The following CFAP77 variants were observed in gnomAD, a reference collection of about 807,000 sequenced individuals.
CFAP77 encodes cilia- and flagella-associated protein 77.
A neutral mutation model predicts 31.1 loss-of-function variants in CFAP77; 25 were observed. The observed-to-expected ratio is 0.80, with a 90% CI of 0.59 to 1.12. The LOEUF is 1.12. Among genes scored for constraint, CFAP77 ranks in the 50% most tolerant of loss-of-function variants. The pLI is 0.00. For synonymous variants in CFAP77, 151 were observed against 159.9 expected, an observed-to-expected ratio of 0.94 and a Z score of 0.42; for missense variants, 377 against 397.3, an observed-to-expected ratio of 0.95 and a Z score of 0.44.
intron 1 of CFAP77, among the ~76,000 whole-genome samples, chr9:132,478,097 T>C (rs1851380951): frequency 6.6e-6 from 1 of 152,140 alleles, no homozygotes; most frequent in Admixed American, 6.5e-5. Context: ...CCAAATCTCA[T>C]GTGGAATTGT....
At chr9:132,534,601 ACT>A (rs1453049348) in intron 3 of CFAP77, among the ~76,000 whole-genome samples, 14 of 130,660 alleles carry the variant, frequency 1.1e-4, no homozygotes, top group South Asian at 2.5e-4. Flanking sequence ...ACAGAGCGAG[ACT>A]CTGTCTCAAA....
chr9:132,442,749 C>T (rs1168403161), intron 1 of CFAP77, among the ~76,000 whole-genome samples: 2 of 151,414 alleles, frequency 1.3e-5, no homozygotes, highest in Non-Finnish European at 2.9e-5. Context: ...GCTATATTGC[C>T]CAGTCTGGTC....
At chr9:132,446,028 T>G (rs1412244318) in intron 1 of CFAP77, among the ~76,000 whole-genome samples, 1 of 152,092 alleles carries the variant, frequency 6.6e-6, no homozygotes, top group Non-Finnish European at 1.5e-5. Context: ...CAGCCTGTAG[T>G]GACAGGCGTT....
intron 3 of CFAP77, among the ~76,000 whole-genome samples, chr9:132,535,712 A>C (rs1454609004): frequency 1.3e-5 from 1 of 77,650 alleles, no homozygotes; most frequent in Non-Finnish European, 2.1e-5. Flanking sequence ...ACTCCACCTC[A>C]ATAAATAAAT....
rs1852718959 is a variant in CFAP77, at chr9:132,545,700, C to T, written c.732+2653C>T. Among the ~76,000 whole-genome samples, 1 of 152,206 alleles carries T rather than the reference C, an allele frequency of 6.6e-6. No individual in the cohort carries two copies. Among genetic ancestry groups the T allele is most frequent in the African/African-American group, 2.4e-5 (1 of 41,458 alleles). On this transcript the variant is annotated intron_variant, in intron 5 of 5. Coordinates refer to ENST00000393216, the MANE Select transcript of CFAP77 (RefSeq NM_001282957.2). The surrounding 1 kb of genome is among the most constrained non-coding windows in gnomAD (Gnocchi z 4.6). ...CAGTCGCCTCCTTGTCAGGAAGTAA[C>T]ACCAACAAAAAGTATTTACCGAGCC...
rs1170826860 is a variant in CFAP77, at chr9:132,511,610, C to G, written c.524+12010C>G. On this transcript the variant is annotated intron_variant, in intron 3 of 5. Coordinates refer to ENST00000393216, the MANE Select transcript of CFAP77 (RefSeq NM_001282957.2). The surrounding 1 kb of genome is among the most constrained non-coding windows in gnomAD (Gnocchi z 5.8). ...CTGGATTTTGGGAACAGGCACTATTCTAGTGCCAAGAGCACATGAGACGGC... is the reference window on the plus strand; with the variant it reads ...CTGGATTTTGGGAACAGGCACTATTGTAGTGCCAAGAGCACATGAGACGGC... Among the ~76,000 whole-genome samples the G allele has an allele frequency of 6.6e-6, 1 of 152,224 alleles. No homozygotes were observed. Among genetic ancestry groups the G allele is most frequent in the Non-Finnish European group, 1.5e-5 (1 of 68,048 alleles).
intron 5 of CFAP77, among the ~76,000 whole-genome samples, chr9:132,556,018 G>A (rs1852899842): frequency 6.6e-6 from 1 of 152,032 alleles, no homozygotes; most frequent in African/African-American, 2.4e-5. Context: ...CGTGTGCTTG[G>A]AGGCACCTGC....
chr9:132,483,347 C>A (rs1249524131), intron 1 of CFAP77, among the ~76,000 whole-genome samples: 5 of 140,552 alleles, frequency 3.6e-5, no homozygotes, highest in Admixed American at 1.3e-4. Context: ...GACTTGGAGA[C>A]CCCCATACAT....
chr9:132,482,532 A>G (rs1167037466), intron 1 of CFAP77: 5 of 738,410 alleles, frequency 6.8e-6, no homozygotes, highest in Non-Finnish European at 1.2e-5. Context: ...CTTCACCTCC[A>G]TGGTCTCGTC....
intron 5 of CFAP77, among the ~76,000 whole-genome samples, chr9:132,544,959 C>T (rs1037292571): frequency 2.6e-5 from 4 of 152,172 alleles, no homozygotes; most frequent in African/African-American, 9.7e-5. Flanking sequence ...TGATTTAGAG[C>T]CCAAGACCAT....
At chr9:132,460,566 TC>T (rs1043467709) in intron 1 of CFAP77, among the ~76,000 whole-genome samples, 1 of 151,970 alleles carries the variant, frequency 6.6e-6, no homozygotes, top group African/African-American at 2.4e-5. Flanking sequence ...AATAGGCAAA[TC>T]CATAGAAAAT....
At chr9:132,459,748 GTGTGTA>G (rs945524166) in intron 1 of CFAP77, among the ~76,000 whole-genome samples, 23 of 142,530 alleles carry the variant, frequency 1.6e-4, no homozygotes, top group African/African-American at 7.0e-4. Flanking sequence ...GTGTGAGTGT[GTGTGTA>G]TGTGTGTGTA....
In CFAP77 at chr9:132,539,076, G is replaced by A. The variant is rs544884106; in HGVS notation, c.630+1370G>A. Among the ~76,000 whole-genome samples, 1 of 152,290 alleles carries A rather than the reference G, an allele frequency of 6.6e-6. No homozygotes were observed. The highest frequency in any genetic ancestry group is 2.1e-4 in the South Asian group (1 of 4,826). ...CACTCCAGCCTGGGCAACAGAGCAA[G>A]ACTCCGTCTCGATAAAAAAATAAAT... On this transcript the variant is annotated intron_variant, in intron 4 of 5. Transcript: ENST00000393216. The surrounding 1 kb of genome is among the most constrained non-coding windows in gnomAD (Gnocchi z 4.3).
intron 3 of CFAP77, chr9:132,513,225 C>T (rs1852072091): frequency 9.8e-6 from 15 of 1,532,854 alleles, no homozygotes; most frequent in Admixed American, 4.2e-5. Context: ...GGGAGCAAAA[C>T]ATTTTAACCA....
At chr9:132,459,725 T>C (rs528895760) in intron 1 of CFAP77, among the ~76,000 whole-genome samples, 6 of 149,838 alleles carry the variant, frequency 4.0e-5, no homozygotes, top group African/African-American at 1.5e-4. Flanking sequence ...TACCTGTATG[T>C]ATGTGTATAT....
chr9:132,499,605 G>T lies in CFAP77; in HGVS notation c.524+5G>T. The T allele has an allele frequency of 1.2e-6, 2 of 1,613,916 alleles. No individual in the cohort carries two copies. The highest frequency in any genetic ancestry group is 1.3e-5 in the African/African-American group (1 of 75,038). On this transcript the variant is annotated splice_donor_5th_base_variant and intron_variant, in intron 3 of 5. Transcript: ENST00000393216. This position sits in a 1 kb window ranked among gnomAD's most constrained non-coding sequence, Gnocchi z 5.4. ...GACATTTGGGATCCGGGCACGGTAA[G>T]GTGGCTGGCAGCCAGGGCTTCATCC...
At chr9:132,425,583 T>TC (rs1448938057) in intron 1 of CFAP77, among the ~76,000 whole-genome samples, 7 of 151,906 alleles carry the variant, frequency 4.6e-5, no homozygotes, top group African/African-American at 7.3e-5. Context: ...TTGTGTTTTT[T>TC]CCCCCCCGAA....
At chr9:132,512,431 A>G (rs1281323053) in intron 3 of CFAP77, among the ~76,000 whole-genome samples, 3 of 152,228 alleles carry the variant, frequency 2.0e-5, no homozygotes, top group African/African-American at 7.2e-5. Context: ...GGATATGGAC[A>G]CATCTTTTGG....
Position 132,498,278 on chromosome 9 carries a change from G to A in CFAP77, c.196-417G>A, listed in dbSNP as rs1262107587. ...CTGGTATGAGGAAGGTGGGAATGAAGGTAGGAAAGATGTCTCCTTCCTTCG... is the reference window on the plus strand; with the variant it reads ...CTGGTATGAGGAAGGTGGGAATGAAAGTAGGAAAGATGTCTCCTTCCTTCG... On this transcript the variant is annotated intron_variant, in intron 1 of 5. Transcript: ENST00000393216. The surrounding 1 kb of genome is among the most constrained non-coding windows in gnomAD (Gnocchi z 4.2). Among the ~76,000 whole-genome samples the A allele has an allele frequency of 6.6e-6, 1 of 152,072 alleles. No individual in the cohort carries two copies. The highest frequency in any genetic ancestry group is 2.4e-5 in the African/African-American group (1 of 41,368).
Sources: allele counts gnomAD v4.1 joint callset (sites outside exome capture counted in the v4.1 genomes callset), GRCh38; gene constraint gnomAD v4.1.1; non-coding constraint Gnocchi (gnomAD v3.1); transcripts MANE v1.5; gene names NCBI Gene and HGNC (gene_info 2026-07-23, HGNC 2026-07-21).